The following TBC1D5 variants were observed in gnomAD, a reference collection of about 807,000 sequenced individuals.
TBC1D5 encodes TBC1 domain family member 5.
TBC1D5 carries 75 observed loss-of-function variants against 100.3 expected under a neutral mutation model. The ratio of observed to expected loss-of-function variants is 0.75; its 90% CI spans 0.62 to 0.91. The LOEUF is 0.91. Ranked by LOEUF, TBC1D5 falls within the 40% of genes least tolerant of loss-of-function variation. The probability of loss-of-function intolerance (pLI) is 0.00; values close to 1 mark genes in which losing one functional copy is unlikely to be tolerated. For synonymous variants in TBC1D5, 323 were observed against 325.6 expected (o/e 0.99, Z 0.09); for missense variants, 910 against 942.4 (o/e 0.97, Z 0.45).
At chr3:17,240,615 C>T (rs2076228129) in intron 16 of TBC1D5, among the ~76,000 whole-genome samples, 1 of 151,980 alleles carries the variant, frequency 6.6e-6, no homozygotes, top group South Asian at 2.1e-4. Context: ...AGGCATTCAC[C>T]TCTGGCATTA....
intron 3 of TBC1D5, among the ~76,000 whole-genome samples, chr3:17,498,924 T>C (rs1398348081): frequency 1.3e-5 from 2 of 152,160 alleles, no homozygotes; most frequent in African/African-American, 2.4e-5. Flanking sequence ...GACTGTTATA[T>C]AGCAAAGTAA....
intron 13 of TBC1D5, among the ~76,000 whole-genome samples, chr3:17,352,458 T>G (rs1031299165): frequency 6.6e-6 from 1 of 151,906 alleles, no homozygotes; most frequent in Non-Finnish European, 1.5e-5. Context: ...ATAAATTTTT[T>G]AAAAATGTTC....
intron 14 of TBC1D5, among the ~76,000 whole-genome samples, chr3:17,293,544 T>C (rs944423166): frequency 2.0e-5 from 3 of 152,246 alleles, no homozygotes; most frequent in African/African-American, 7.2e-5. Flanking sequence ...ATGAGACTGA[T>C]TAATAGCAGC....
At chr3:17,695,451 T>C (rs972747463) in intron 1 of TBC1D5, among the ~76,000 whole-genome samples, 2 of 152,074 alleles carry the variant, frequency 1.3e-5, no homozygotes, top group Admixed American at 1.3e-4. Context: ...GCAATCCTAG[T>C]CTCTGATAAA....
rs546624630 is a variant in TBC1D5 at position 17,723,927 on chromosome 3, T to C, written c.-101+15416A>G. On this transcript the variant is annotated intron_variant, in intron 1 of 21. Transcript: ENST00000253692. The stretch of plus-strand genomic sequence containing the variant: ...ACATTAGAATACTTCATTATAATAC[T>C]AGAACCAATCAGAAAATATATCTAT... Among the ~76,000 whole-genome samples the C allele has an allele frequency of 2.0e-5, 3 of 152,320 alleles. No individual in the cohort carries two copies. The East Asian group carries it at 5.8e-4, about 29-fold the overall frequency.
chr3:17,459,175 G>A (rs998244025), intron 3 of TBC1D5, among the ~76,000 whole-genome samples: 2 of 152,192 alleles, frequency 1.3e-5, no homozygotes, highest in African/African-American at 2.4e-5. Context: ...CCTTATTTCA[G>A]TAATAGTTTC....
chr3:17,643,239 C>A (rs868831917), intron 1 of TBC1D5, among the ~76,000 whole-genome samples: 5 of 152,134 alleles, frequency 3.3e-5, no homozygotes, highest in Middle Eastern at 3.4e-3. Context: ...TGAAACTGAG[C>A]TTATATATTT....
intron 2 of TBC1D5, among the ~76,000 whole-genome samples, chr3:17,517,250 G>C (rs2096002904): frequency 6.6e-6 from 1 of 152,096 alleles, no homozygotes; most frequent in Non-Finnish European, 1.5e-5. Context: ...CTCAACTTCT[G>C]AACTACGCTT....
chr3:17,396,519 C>A (rs2093509247), intron 8 of TBC1D5, among the ~76,000 whole-genome samples: 1 of 151,536 alleles, frequency 6.6e-6, no homozygotes, highest in Admixed American at 6.6e-5. Context: ...AGTGTGACAT[C>A]AATGGACCAA....
chr3:17,641,419 A>G (rs903759293), intron 1 of TBC1D5, among the ~76,000 whole-genome samples: 9 of 151,976 alleles, frequency 5.9e-5, no homozygotes, highest in East Asian at 1.9e-4. Flanking sequence ...AGATTTTGGG[A>G]AAAAAAATTA....
At chr3:17,604,735 C>G (rs1277598727) in intron 2 of TBC1D5, among the ~76,000 whole-genome samples, 2 of 152,140 alleles carry the variant, frequency 1.3e-5, no homozygotes, top group Non-Finnish European at 2.9e-5. Flanking sequence ...GTGCTCACTG[C>G]AACCTCAGTG....
intron 2 of TBC1D5, among the ~76,000 whole-genome samples, chr3:17,570,502 A>G (rs773836902): frequency 1.3e-5 from 2 of 152,036 alleles, no homozygotes; most frequent in Non-Finnish European, 2.9e-5. Context: ...AAACTTTCAG[A>G]AAAGTTACAA....
intron 3 of TBC1D5, among the ~76,000 whole-genome samples, chr3:17,487,498 T>A (rs900908724): frequency 6.6e-6 from 1 of 152,210 alleles, no homozygotes; most frequent in Non-Finnish European, 1.5e-5. Context: ...TAGAAGGTCA[T>A]GGGTTACAAA....
chr3:17,599,038 T>C (rs1443774812), intron 2 of TBC1D5, among the ~76,000 whole-genome samples: 1 of 152,142 alleles, frequency 6.6e-6, no homozygotes, highest in East Asian at 1.9e-4. Context: ...AGAGAAATGG[T>C]AGTACATAGA....
intron 1 of TBC1D5, among the ~76,000 whole-genome samples, chr3:17,701,701 G>C (rs2073229723): frequency 6.6e-6 from 1 of 152,004 alleles, no homozygotes; most frequent in Non-Finnish European, 1.5e-5. Flanking sequence ...AATTTTTCCA[G>C]ACTAACTGAA....
intron 17 of TBC1D5, among the ~76,000 whole-genome samples, chr3:17,220,351 T>C (rs1002653522): frequency 6.6e-6 from 1 of 152,166 alleles, no homozygotes; most frequent in Non-Finnish European, 1.5e-5. Context: ...ATGTGGTTAA[T>C]CAGATAGAGG....
chr3:17,385,793 T>A (rs1005458715), intron 8 of TBC1D5, among the ~76,000 whole-genome samples: 1 of 151,978 alleles, frequency 6.6e-6, no homozygotes, highest in Non-Finnish European at 1.5e-5. Context: ...CATATTTGCA[T>A]AAAGCTTAAT....
intron 1 of TBC1D5, among the ~76,000 whole-genome samples, chr3:17,735,779 A>G (rs1464329917): frequency 6.6e-6 from 1 of 152,184 alleles, no homozygotes; most frequent in African/African-American, 2.4e-5. Flanking sequence ...CTGGATCTGG[A>G]GGGGTGGAAG....
intron 13 of TBC1D5, among the ~76,000 whole-genome samples, chr3:17,367,701 A>G (rs183470746): frequency 4.6e-5 from 7 of 152,108 alleles, no homozygotes; most frequent in Middle Eastern, 3.4e-3. Flanking sequence ...TCTACTGAAA[A>G]TACAAAAATT....
Sources: allele counts gnomAD v4.1 joint callset (sites outside exome capture counted in the v4.1 genomes callset), GRCh38; gene constraint gnomAD v4.1.1; transcripts MANE v1.5; gene names NCBI Gene and HGNC (gene_info 2026-07-23, HGNC 2026-07-21).